Variants in CSMD1 observed in about 807,000 individuals in gnomAD.
The protein encoded by CSMD1 is CUB and sushi domain-containing protein 1.
CSMD1 carries 213 observed loss-of-function variants against 417.5 expected under a neutral mutation model. That is an observed-to-expected ratio of 0.51 (90% CI 0.46 to 0.57). The LOEUF is 0.57. Among genes scored for constraint, CSMD1 ranks in the 20% least tolerant of loss-of-function variants. The pLI, the probability that CSMD1 is intolerant of heterozygous loss-of-function variation, is 0.00. For synonymous variants in CSMD1, 2,862 were observed against 1,736.8 expected (o/e 1.65, Z -16.11); for missense variants, 6,923 against 4,529.7 (o/e 1.53, Z -15.17).
intron 3 of CSMD1, among the ~76,000 whole-genome samples, chr8:4,365,920 T>C (rs922165251): frequency 3.9e-5 from 6 of 152,340 alleles, no homozygotes; most frequent in African/African-American, 1.4e-4. Flanking sequence ...GTTTTATTAT[T>C]TTTTTCTTTT....
At chr8:4,873,956 T>A (rs1381426885) in intron 1 of CSMD1, among the ~76,000 whole-genome samples, 1 of 152,144 alleles carries the variant, frequency 6.6e-6, no homozygotes, top group Non-Finnish European at 1.5e-5. Flanking sequence ...AGGAACTATT[T>A]CAAGCTATAA....
chr8:3,939,667 C>T (rs1202633629), intron 5 of CSMD1, among the ~76,000 whole-genome samples: 1 of 151,944 alleles, frequency 6.6e-6, no homozygotes, highest in Admixed American at 6.6e-5. Flanking sequence ...ATATATACAC[C>T]ATGGAGTAGT....
intron 2 of CSMD1, among the ~76,000 whole-genome samples, chr8:4,509,361 T>C (rs1267124202): frequency 6.6e-6 from 1 of 152,118 alleles, no homozygotes; most frequent in Non-Finnish European, 1.5e-5. Flanking sequence ...ACAAGGCAGC[T>C]GGTATTTGGT....
intron 52 of CSMD1, among the ~76,000 whole-genome samples, chr8:3,005,997 C>T (rs1477390535): frequency 1.3e-3 from 202 of 152,164 alleles, no homozygotes; most frequent in African/African-American, 4.2e-3. Flanking sequence ...TGTTGGCAGA[C>T]GACATGATTG....
At chr8:3,829,536 G>A (rs1407730338) in intron 5 of CSMD1, among the ~76,000 whole-genome samples, 1 of 152,136 alleles carries the variant, frequency 6.6e-6, no homozygotes, top group Non-Finnish European at 1.5e-5. Context: ...ATGATTACAT[G>A]AGTTTGGGAG....
chr8:4,308,766 C>G (rs1798396327), intron 3 of CSMD1, among the ~76,000 whole-genome samples: 1 of 152,122 alleles, frequency 6.6e-6, no homozygotes, highest in African/African-American at 2.4e-5. Context: ...AGCGTGATGA[C>G]TAAAGATTAT....
intron 2 of CSMD1, among the ~76,000 whole-genome samples, chr8:4,448,013 C>T (rs1798916920): frequency 6.6e-6 from 1 of 152,122 alleles, no homozygotes; most frequent in Non-Finnish European, 1.5e-5. Flanking sequence ...GGTGGTAAAA[C>T]TAAAAAACTA....
chr8:3,041,265 C>A (rs1054387505), intron 50 of CSMD1, among the ~76,000 whole-genome samples: 4 of 152,020 alleles, frequency 2.6e-5, no homozygotes, highest in Non-Finnish European at 1.5e-5. Context: ...TACTACAGAG[C>A]AAAAATATAT....
chr8:4,038,076 A>G (rs1041803209), intron 3 of CSMD1, among the ~76,000 whole-genome samples: 1 of 152,170 alleles, frequency 6.6e-6, no homozygotes, highest in Non-Finnish European at 1.5e-5. Context: ...GTTTGGAAGT[A>G]AAATAACTCA....
At chr8:3,223,706 A>G (rs374922335) in intron 28 of CSMD1, 23 bp downstream of exon 28, 5 of 1,611,816 alleles carry the variant, frequency 3.1e-6, no homozygotes, top group Non-Finnish European at 4.2e-6. Context: ...TACTAAAAAG[A>G]GGTATTCTGC....
rs1393950525 is a variant in CSMD1 at position 4,762,794 on chromosome 8, A to G, written c.86-125236T>C. ...CTGAGCTCTTTGAAATGAGGCCAAAAAAATGTATCTAAATTACACCATTTA... is the reference window on the plus strand; with the variant it reads ...CTGAGCTCTTTGAAATGAGGCCAAAGAAATGTATCTAAATTACACCATTTA... On this transcript the variant is annotated intron_variant, in intron 1 of 69. Transcript: ENST00000635120. Among the ~76,000 whole-genome samples the G allele has an allele frequency of 2.0e-5, 3 of 152,190 alleles. No homozygotes were observed. The East Asian group carries it at 5.8e-4, about 29-fold the overall frequency.
chr8:3,133,652 G>T (rs1046220300), intron 41 of CSMD1, among the ~76,000 whole-genome samples: 1 of 152,172 alleles, frequency 6.6e-6, no homozygotes, highest in African/African-American at 2.4e-5. Flanking sequence ...TCTGGGAAGG[G>T]GAGGGGTGAG....
At position 3,900,036 on chromosome 8, in the gene CSMD1, G is replaced by A. The variant is rs141951718; in HGVS notation, c.818+97867C>T. Among the ~76,000 whole-genome samples the A allele has an allele frequency of 5.5e-3, 842 of 152,306 alleles. 6 individuals carry two copies. Among genetic ancestry groups the A allele is most frequent in the Non-Finnish European group, 9.7e-3 (663 of 68,024 alleles). On this transcript the variant is annotated intron_variant, in intron 5 of 69. Coordinates refer to ENST00000635120, the MANE Select transcript of CSMD1 (RefSeq NM_033225.6). The stretch of plus-strand genomic sequence containing the variant: ...TGGGTGACACTAGCTAGGTGACACT[G>A]CAGCTGGCCGATGCTGTAGCTGGGT...
At chr8:4,481,442 T>C (rs1167789488) in intron 2 of CSMD1, among the ~76,000 whole-genome samples, 1 of 152,260 alleles carries the variant, frequency 6.6e-6, no homozygotes, top group Non-Finnish European at 1.5e-5. Flanking sequence ...TATTTTTTCT[T>C]AGTGGGAGAT....
intron 3 of CSMD1, among the ~76,000 whole-genome samples, chr8:4,293,934 C>A (rs1453848112): frequency 6.6e-6 from 1 of 151,860 alleles, no homozygotes; most frequent in Admixed American, 6.6e-5. Context: ...GAGCTTTCCA[C>A]ACTTTTAAAC....
intron 8 of CSMD1, among the ~76,000 whole-genome samples, chr8:3,612,681 G>C (rs1281992297): frequency 6.6e-6 from 1 of 151,886 alleles, no homozygotes; most frequent in South Asian, 2.1e-4. Context: ...ATAAATCATG[G>C]AACAAAAAAG....
At chr8:3,284,597 G>A (rs890784366) in intron 25 of CSMD1, 1 of 481,324 alleles carries the variant, frequency 2.1e-6, no homozygotes, top group Non-Finnish European at 3.8e-6. Flanking sequence ...TAGATGCTGA[G>A]CTATCCATTT....
intron 1 of CSMD1, among the ~76,000 whole-genome samples, chr8:4,716,316 G>A (rs1168775552): frequency 6.6e-6 from 1 of 152,168 alleles, no homozygotes; most frequent in Non-Finnish European, 1.5e-5. Context: ...AAGGTCATGT[G>A]GCTGAGGAAA....
chr8:3,466,420 C>CT (rs1816793596), intron 12 of CSMD1, among the ~76,000 whole-genome samples: 1 of 147,610 alleles, frequency 6.8e-6, no homozygotes, highest in African/African-American at 2.5e-5. Context: ...ATTTTTTTTT[C>CT]TTTTTTTAAG....
Sources: gnomAD v4.1 joint callset for allele counts (sites outside exome capture counted in the v4.1 genomes callset) on GRCh38, gnomAD v4.1.1 for gene constraint, MANE v1.5 for transcripts, NCBI Gene and HGNC (gene_info 2026-07-23, HGNC 2026-07-21) for gene names.